Variants in LMLN observed in about 807,000 individuals in gnomAD.
LMLN encodes leishmanolysin like peptidase.
Under a neutral mutation model 92.3 loss-of-function variants are expected in LMLN, and 70 were observed. The observed-to-expected ratio is 0.76, with a 90% CI of 0.63 to 0.92. The LOEUF is 0.92. LMLN is among the 40% of genes least tolerant of loss of function. LMLN has a pLI of 0.00. For missense variants in LMLN, 691 were observed against 814.6 expected (o/e 0.85, Z 1.85); for synonymous variants, 308 against 296.2 (o/e 1.04, Z -0.41).
intron 6 of LMLN, among the ~76,000 whole-genome samples, chr3:197,983,615 T>G (rs1489852656): frequency 6.6e-6 from 1 of 152,204 alleles, no homozygotes; most frequent in East Asian, 1.9e-4. Flanking sequence ...TATACTGAAA[T>G]GCTGAAGTTA....
intron 10 of LMLN, among the ~76,000 whole-genome samples, chr3:197,998,113 T>TC (rs1338186692): frequency 3.3e-5 from 5 of 152,210 alleles, no homozygotes; most frequent in Non-Finnish European, 7.3e-5. Context: ...GGAAGGGCTG[T>TC]CATCTGTGCC....
At chr3:197,966,373 T>C (rs948257067) in intron 1 of LMLN, among the ~76,000 whole-genome samples, 13 of 152,178 alleles carry the variant, frequency 8.5e-5, no homozygotes, top group African/African-American at 3.1e-4. Context: ...ATTATCACAC[T>C]GTCTGGGGCA....
chr3:197,999,300 G>T, exon 11 of LMLN: 2 of 1,613,758 alleles, frequency 1.2e-6, no homozygotes, highest in Non-Finnish European at 1.7e-6. Flanking sequence ...ACTCAGAATC[G>T]AGTACTCTCT....
At chr3:197,962,278 T>C (rs1052172581) in intron 1 of LMLN, among the ~76,000 whole-genome samples, 1 of 152,190 alleles carries the variant, frequency 6.6e-6, no homozygotes, top group Non-Finnish European at 1.5e-5. Flanking sequence ...CAGCATTATG[T>C]CTGTGAGATT....
exon 1 of LMLN, chr3:197,960,277 A>C: frequency 6.2e-7 from 1 of 1,613,384 alleles, no homozygotes; most frequent in Non-Finnish European, 8.5e-7. Context: ...GGAGTGGGTT[A>C]CTCGGGCTCA....
At chr3:197,978,920 C>T (rs1031588856) in intron 5 of LMLN, among the ~76,000 whole-genome samples, 1 of 152,014 alleles carries the variant, frequency 6.6e-6, no homozygotes, top group Admixed American at 6.6e-5. Context: ...ACCCTGGAGG[C>T]GGAAGTTGCA....
At chr3:198,034,946 A>G (rs1723171426) in intron 14 of LMLN, among the ~76,000 whole-genome samples, 1 of 151,880 alleles carries the variant, frequency 6.6e-6, no homozygotes, top group Admixed American at 6.6e-5. Context: ...TTTAATCCCA[A>G]CACTTTGGGA....
intron 14 of LMLN, among the ~76,000 whole-genome samples, chr3:198,026,357 C>T (rs1722931975): frequency 6.6e-6 from 1 of 152,066 alleles, no homozygotes; most frequent in Non-Finnish European, 1.5e-5. Context: ...CTTACTCTGT[C>T]ACCCAGGCTG....
At chr3:197,990,715 T>C (rs1261940883) in intron 9 of LMLN, 39 bp downstream of exon 9, 1 of 978,980 alleles carries the variant, frequency 1.0e-6, no homozygotes. Flanking sequence ...GAGCCATCTG[T>C]TCTTTTCCTT....
At chr3:197,991,909 T>C (rs1479819339) in intron 9 of LMLN, among the ~76,000 whole-genome samples, 2 of 149,944 alleles carry the variant, frequency 1.3e-5, no homozygotes, top group Non-Finnish European at 3.0e-5. Context: ...TTGCCCAGGC[T>C]GGAGTGCAAT....
chr3:198,030,434 C>G (rs890953389), intron 14 of LMLN, among the ~76,000 whole-genome samples: 3 of 152,158 alleles, frequency 2.0e-5, no homozygotes, highest in Non-Finnish European at 4.4e-5. Flanking sequence ...GGATTTAAGA[C>G]CTTGTTTTTT....
chr3:197,977,549 AATC>A lies in LMLN; in HGVS notation c.549+839_549+841del, dbSNP rs1721423532. ...CACGTTAAATCTGGATACATATAAA[AATC>A]ATCAAACCATCTGGAAGTATACACA... On this transcript the variant is annotated intron_variant, in intron 5 of 15. Coordinates refer to ENST00000330198, the Ensembl canonical transcript of LMLN. 5.9e-5 allele frequency among the ~76,000 whole-genome samples: 9 copies of A among 152,290 alleles called. No homozygotes were observed. In the South Asian group the frequency reaches 1.9e-3, roughly 32 times the overall value.
intron 8 of LMLN, among the ~76,000 whole-genome samples, chr3:197,989,700 A>G (rs1354913293): frequency 6.6e-6 from 1 of 152,148 alleles, no homozygotes; most frequent in African/African-American, 2.4e-5. Flanking sequence ...TGATAATCTC[A>G]TAGGGTTGTT....
chr3:198,033,775 T>C (rs940578727), intron 14 of LMLN, among the ~76,000 whole-genome samples: 2 of 152,208 alleles, frequency 1.3e-5, no homozygotes, highest in Admixed American at 6.5e-5. Flanking sequence ...ATTGTGTACT[T>C]TTTTAGTGTC....
At chr3:197,966,289 G>T (rs555613291) in intron 1 of LMLN, among the ~76,000 whole-genome samples, 2 of 152,182 alleles carry the variant, frequency 1.3e-5, no homozygotes, top group East Asian at 3.9e-4. Flanking sequence ...TGATCCACCC[G>T]CCTCAGCCTC....
chr3:198,042,291 G>T lies in LMLN; in HGVS notation c.*3624G>T, dbSNP rs886561935. 4.6e-5 allele frequency: 7 copies of T among 152,024 alleles called. No homozygotes were observed. Among genetic ancestry groups the T allele is most frequent in the African/African-American group, 1.7e-4 (7 of 41,366 alleles). The allele number at this position is 152,024 out of a possible 1,614,324, so 9.4% of individuals were successfully genotyped here. On this transcript the variant is annotated 3_prime_UTR_variant, in exon 16 of 16. Coordinates refer to ENST00000330198, the Ensembl canonical transcript of LMLN. The surrounding 1 kb of genome is among the most constrained non-coding windows in gnomAD (Gnocchi z 4.2). ...GCCTGTAATCTCAGCACTTCGGGAG[G>T]CCAAGGCAAGCAGATCACGAGATCA...
intron 8 of LMLN, among the ~76,000 whole-genome samples, 172 bp downstream of exon 8, chr3:197,986,062 AACTTG>A (rs1466324704): frequency 6.6e-6 from 1 of 152,230 alleles, no homozygotes; most frequent in East Asian, 1.9e-4. Flanking sequence ...ATGAAAACAT[AACTTG>A]TGAGATGTAA....
intron 9 of LMLN, among the ~76,000 whole-genome samples, chr3:197,995,082 A>C (rs544317098): frequency 3.9e-5 from 6 of 152,322 alleles, no homozygotes; most frequent in Admixed American, 1.3e-4. Context: ...ACCCCTTAGC[A>C]AGACCACCCC....
chr3:198,007,330 T>A (rs1411482036), intron 11 of LMLN, among the ~76,000 whole-genome samples: 1 of 152,244 alleles, frequency 6.6e-6, no homozygotes, highest in African/African-American at 2.4e-5. Flanking sequence ...TTTAAGTCCA[T>A]GATTCATTTG....
Sources: allele counts gnomAD v4.1 joint callset (sites outside exome capture counted in the v4.1 genomes callset), GRCh38; gene constraint gnomAD v4.1.1; non-coding constraint Gnocchi (gnomAD v3.1); transcripts MANE v1.5; gene names NCBI Gene and HGNC (gene_info 2026-07-23, HGNC 2026-07-21).